Variants in SESTD1 observed in about 807,000 individuals in gnomAD.
SESTD1 encodes the protein SEC14 domain and spectrin repeat-containing protein 1.
SESTD1 carries 43 observed loss-of-function variants against 101.7 expected under a neutral mutation model. That is an observed-to-expected ratio of 0.42 (90% CI 0.33 to 0.55). SESTD1 has a LOEUF of 0.55. Ranked by LOEUF, SESTD1 falls within the 20% of genes least tolerant of loss-of-function variation. The pLI is 0.07. For synonymous variants in SESTD1, 283 were observed against 286.8 expected (o/e 0.99, Z 0.13); for missense variants, 647 against 815.1 (o/e 0.79, Z 2.51).
At chr2:179,182,879 T>A (rs2046140110) in intron 3 of SESTD1, among the ~76,000 whole-genome samples, 1 of 152,152 alleles carries the variant, frequency 6.6e-6, no homozygotes, top group Non-Finnish European at 1.5e-5. Flanking sequence ...GAAATCTGTA[T>A]ATCCTTAAAT....
chr2:179,222,073 T>A (rs954655480), intron 1 of SESTD1, among the ~76,000 whole-genome samples: 1 of 152,216 alleles, frequency 6.6e-6, no homozygotes, highest in Non-Finnish European at 1.5e-5. Flanking sequence ...ATAGGACACA[T>A]GGAAAACCAA....
rs185637434 is a variant in SESTD1 at position 179,214,004 on chromosome 2, C to T, written c.-25-22138G>A. Among the ~76,000 whole-genome samples the T allele has an allele frequency of 2.5e-3, 332 of 134,840 alleles. 84 individuals carry two copies. Among genetic ancestry groups the T allele is most frequent in the South Asian group, 0.013 (47 of 3,520 alleles). 88.5% of individuals were successfully genotyped at this position (134,840 alleles called of 152,430 possible). On this transcript the variant is annotated intron_variant, in intron 1 of 17. Coordinates refer to ENST00000428443, the MANE Select transcript of SESTD1 (RefSeq NM_178123.5). ...AGCACTCAACATGGGAAGGAACAAC[C>T]GGTACCAGCCACTGCAAAAACGTGC... is the stretch of plus-strand genomic sequence containing the variant.
At chr2:179,249,097 A>G (rs1574067207) in intron 1 of SESTD1, among the ~76,000 whole-genome samples, 3 of 150,488 alleles carry the variant, frequency 2.0e-5, no homozygotes, top group Non-Finnish European at 4.4e-5. Context: ...TCTTTAAGAA[A>G]AAAAAAAAAA....
chr2:179,256,560 C>G (rs888522141), intron 1 of SESTD1, among the ~76,000 whole-genome samples: 10 of 152,130 alleles, frequency 6.6e-5, no homozygotes, highest in African/African-American at 2.4e-4. Context: ...CGCCTGTAAT[C>G]CCAGCACTTT....
Position 179,195,860 on chromosome 2 carries a change from A to C in SESTD1, c.-25-3994T>G, listed in dbSNP as rs549394443. Among the ~76,000 whole-genome samples, 5 of 152,264 alleles carry C rather than the reference A, an allele frequency of 3.3e-5. 1 individual carries two copies. In the East Asian group the frequency reaches 9.6e-4, roughly 29 times the overall value. On this transcript the variant is annotated intron_variant, in intron 1 of 17. Coordinates refer to ENST00000428443, the MANE Select transcript of SESTD1 (RefSeq NM_178123.5). ...AAAGGAAGGTTATTTAAAAAAAAAA[A>C]AAGACTTCGTATGAGAAAAAAAATC...
At chr2:179,144,386 T>C (rs993795989) in intron 8 of SESTD1, among the ~76,000 whole-genome samples, 2 of 152,036 alleles carry the variant, frequency 1.3e-5, no homozygotes, top group Admixed American at 1.3e-4. Flanking sequence ...ATAATCTCTA[T>C]TTATAAGAAT....
At chr2:179,253,288 A>G in intron 1 of SESTD1, among the ~76,000 whole-genome samples, 1 of 152,232 alleles carries the variant, frequency 6.6e-6, no homozygotes, top group South Asian at 2.1e-4. Context: ...AGAAATGACA[A>G]CTAAATGCAA....
At chr2:179,171,228 AT>A (rs907271209) in intron 5 of SESTD1, among the ~76,000 whole-genome samples, 4 of 152,188 alleles carry the variant, frequency 2.6e-5, no homozygotes, top group Non-Finnish European at 5.9e-5. Context: ...TTATAGCTTA[AT>A]TTTTTTAAGT....
At chr2:179,252,861 A>G (rs1372382533) in intron 1 of SESTD1, among the ~76,000 whole-genome samples, 1 of 152,178 alleles carries the variant, frequency 6.6e-6, no homozygotes, top group African/African-American at 2.4e-5. Flanking sequence ...TTATTTTCAT[A>G]GTGTCTCCTT....
intron 1 of SESTD1, among the ~76,000 whole-genome samples, chr2:179,240,044 G>A (rs1239127012): frequency 6.6e-6 from 1 of 152,166 alleles, no homozygotes; most frequent in East Asian, 1.9e-4. Flanking sequence ...TGAGACACAT[G>A]GCCTTGAGAT....
At chr2:179,262,556 A>G (rs2047498265) in intron 1 of SESTD1, among the ~76,000 whole-genome samples, 1 of 152,152 alleles carries the variant, frequency 6.6e-6, no homozygotes, top group South Asian at 2.1e-4. Flanking sequence ...AGATCTTTGA[A>G]GTTAGCTACT....
chr2:179,176,235 C>T (rs2046009954), intron 4 of SESTD1, among the ~76,000 whole-genome samples: 1 of 152,124 alleles, frequency 6.6e-6, no homozygotes, highest in African/African-American at 2.4e-5. Flanking sequence ...CATTTACAAA[C>T]CTATTAGAAT....
chr2:179,204,406 T>C (rs1559143253), intron 1 of SESTD1, among the ~76,000 whole-genome samples: 1 of 134,492 alleles, frequency 7.4e-6, no homozygotes, highest in Non-Finnish European at 1.6e-5. Context: ...CCAATGAGAA[T>C]TTCTGACAAC....
At chr2:179,110,850 TA>T (rs1257884614) in intron 17 of SESTD1, among the ~76,000 whole-genome samples, 1 of 152,198 alleles carries the variant, frequency 6.6e-6, no homozygotes, top group East Asian at 1.9e-4. Flanking sequence ...GAGATATACA[TA>T]AGTTTTAATA....
At chr2:179,115,502 C>A (rs1172333359) in intron 15 of SESTD1, among the ~76,000 whole-genome samples, 1 of 152,042 alleles carries the variant, frequency 6.6e-6, no homozygotes, top group East Asian at 1.9e-4. Flanking sequence ...AATCCCAGCA[C>A]TTTGGGAGGC....
chr2:179,235,875 G>A (rs530933620), intron 1 of SESTD1, among the ~76,000 whole-genome samples: 2 of 152,100 alleles, frequency 1.3e-5, no homozygotes, highest in African/African-American at 2.4e-5. Context: ...ACTGTTTCAC[G>A]GTTTGAGCCC....
Position 179,176,472 on chromosome 2 carries a change from C to A in SESTD1, c.231G>T (p.Val77=), listed in dbSNP as rs781611827. Residue 77 remains valine (V), a synonymous_variant, in exon 4 of 18, where the codon GTG becomes GTT. Coordinates refer to ENST00000428443, the MANE Select transcript of SESTD1 (RefSeq NM_178123.5). ...VDGRKSQWNV[V]KTVVVMLQNV... is the part of the protein sequence containing the mutation. ...CCTGTAGCATTACGACTACTGTTTT[C>A]ACCACATTCCACTGTGATTTTCTGC... The A allele has an allele frequency of 1.9e-5, 31 of 1,613,376 alleles. No individual in the cohort carries two copies. The Admixed American group carries it at 5.2e-4, about 27-fold the overall frequency.
chr2:179,143,001 G>A (rs935736781), intron 9 of SESTD1, among the ~76,000 whole-genome samples: 2 of 151,998 alleles, frequency 1.3e-5, no homozygotes, highest in Non-Finnish European at 1.5e-5. Context: ...TAAAATATTC[G>A]AAGATTTATT....
intron 9 of SESTD1, among the ~76,000 whole-genome samples, chr2:179,135,406 T>C (rs1402517891): frequency 6.6e-6 from 1 of 152,216 alleles, no homozygotes; most frequent in Non-Finnish European, 1.5e-5. Flanking sequence ...ATTTATGTTC[T>C]AGAGTCTTAA....
Sources: gnomAD v4.1 joint callset for allele counts (sites outside exome capture counted in the v4.1 genomes callset) on GRCh38, gnomAD v4.1.1 for gene constraint, MANE v1.5 for transcripts, NCBI Gene and HGNC (gene_info 2026-07-23, HGNC 2026-07-21) for gene names.